The following SMOC1 variants were observed in gnomAD, a reference collection of about 807,000 sequenced individuals.
SMOC1 encodes SPARC related modular calcium binding 1, also known as SPARC-related modular calcium-binding protein 1.
Under a neutral mutation model 56.3 loss-of-function variants are expected in SMOC1, and 22 were observed. The ratio of observed to expected loss-of-function variants is 0.39; its 90% CI spans 0.28 to 0.56. The LOEUF (loss-of-function observed/expected upper bound fraction) is 0.56. SMOC1 is among the 20% of genes least tolerant of loss of function. SMOC1 has a pLI of 0.61. For synonymous variants in SMOC1, 193 were observed against 215.0 expected (o/e 0.90, Z 0.89); for missense variants, 509 against 565.4 (o/e 0.90, Z 1.01).
chr14:69,971,299 T>C (rs957711262), intron 3 of SMOC1, among the ~76,000 whole-genome samples: 1 of 152,224 alleles, frequency 6.6e-6, no homozygotes, highest in African/African-American at 2.4e-5. Context: ...ATTACAGGCA[T>C]GAGCCACCGC....
intron 4 of SMOC1, 95 bp from the exon 5 acceptor site, chr14:69,977,823 A>G: frequency 1.1e-6 from 1 of 916,880 alleles, no homozygotes; most frequent in South Asian, 1.3e-5. Flanking sequence ...ATACATGACC[A>G]TATGCTCATA....
At chr14:69,978,235 A>T (rs1402876755) in intron 5 of SMOC1, 1 of 529,866 alleles carries the variant, frequency 1.9e-6, no homozygotes, top group East Asian at 3.4e-5. Context: ...AGCCCTAGGA[A>T]TATTGGTTCC....
chr14:70,003,721 C>T (rs1007093184), intron 7 of SMOC1, among the ~76,000 whole-genome samples: 5 of 152,132 alleles, frequency 3.3e-5, no homozygotes, highest in Admixed American at 3.3e-4. Flanking sequence ...ACAAGGGGCC[C>T]ACGAGGGCAG....
At chr14:70,023,806 T>G (rs1000522640) in intron 11 of SMOC1, among the ~76,000 whole-genome samples, 181 of 148,164 alleles carry the variant, frequency 1.2e-3, no homozygotes, top group Non-Finnish European at 2.1e-3. Context: ...GGTTGTAGGG[T>G]GTGTGTGTGT....
At chr14:70,023,555 A>G (rs538847724) in intron 11 of SMOC1, 108 bp downstream of exon 11, 13 of 1,486,118 alleles carry the variant, frequency 8.7e-6, no homozygotes, top group East Asian at 6.8e-5. Context: ...CTATTCATCA[A>G]TTATTTGCTG....
chr14:70,028,646 T>C (rs1408623402), intron 11 of SMOC1, among the ~76,000 whole-genome samples: 1 of 152,170 alleles, frequency 6.6e-6, no homozygotes, highest in Non-Finnish European at 1.5e-5. Flanking sequence ...GCTGTGCACC[T>C]CCTTTTTAGA....
At chr14:69,925,924 T>C (rs1188695020) in intron 1 of SMOC1, among the ~76,000 whole-genome samples, 1 of 152,198 alleles carries the variant, frequency 6.6e-6, no homozygotes, top group African/African-American at 2.4e-5. Flanking sequence ...TGGAGAAGAC[T>C]GCGCACACCC....
Position 70,010,742 on chromosome 14 carries a change from C to T in SMOC1, c.665-12C>T. On this transcript the variant is annotated splice_polypyrimidine_tract_variant and intron_variant, in intron 7 of 11. Coordinates refer to ENST00000361956, the MANE Select transcript of SMOC1 (RefSeq NM_001034852.3). ...GAGTGATAGTCACCACAGGCTGTGT[C>T]TTCTCTTGCAGAGAAAGTCTATTCG... 6.2e-7 allele frequency: 1 copy of T among 1,612,990 alleles called. No individual in the cohort carries two copies.
At chr14:69,946,698 C>T (rs1882796047) in intron 1 of SMOC1, among the ~76,000 whole-genome samples, 1 of 152,138 alleles carries the variant, frequency 6.6e-6, no homozygotes, top group African/African-American at 2.4e-5. Context: ...TGGTTTTGAC[C>T]CATAAATAGT....
intron 3 of SMOC1, among the ~76,000 whole-genome samples, chr14:69,971,935 C>G (rs1236837289): frequency 6.6e-6 from 1 of 152,148 alleles, no homozygotes; most frequent in East Asian, 1.9e-4. Context: ...TAATCTGGCT[C>G]TGGCATTTTT....
At chr14:69,942,031 C>T (rs1467696978) in intron 1 of SMOC1, among the ~76,000 whole-genome samples, 2 of 152,160 alleles carry the variant, frequency 1.3e-5, no homozygotes, top group Non-Finnish European at 2.9e-5. Context: ...TTCCTTCCTC[C>T]CTGCCTCTCC....
In SMOC1 at chr14:69,981,047, GAAGGAGAGGAGGAGA is replaced by G. The variant is rs540076051; in HGVS notation, c.526+3087_526+3101del. ...GTCGCCAGCCAGGAATTAGTTCTCT[GAAGGAGAGGAGGAGA>G]AAGGCAGAGCAGAAGGAGGCTGGGG... is the stretch of plus-strand genomic sequence containing the variant. On this transcript the variant is annotated intron_variant, in intron 5 of 11. Transcript: ENST00000361956. 2.7e-3 allele frequency among the ~76,000 whole-genome samples: 406 copies of G among 152,268 alleles called. 1 individual carries two copies. Among genetic ancestry groups the G allele is most frequent in the Non-Finnish European group, 4.4e-3 (296 of 68,032 alleles).
chr14:69,892,101 C>T lies in SMOC1; in HGVS notation c.99+12324C>T, dbSNP rs1883977940. Among the ~76,000 whole-genome samples, 2 of 152,148 alleles carry T rather than the reference C, an allele frequency of 1.3e-5. 1 individual carries two copies. The highest frequency in any genetic ancestry group is 4.1e-4 in the South Asian group (2 of 4,830). On this transcript the variant is annotated intron_variant, in intron 1 of 11. Transcript: ENST00000361956. The stretch of plus-strand genomic sequence containing the variant: ...ATATGAAAGGACGAGGGTTTCAATC[C>T]ACTGAACTTTTACATGTTTATGTGG...
At chr14:70,002,177 G>C (rs1420088509) in intron 7 of SMOC1, among the ~76,000 whole-genome samples, 1 of 152,182 alleles carries the variant, frequency 6.6e-6, no homozygotes, top group African/African-American at 2.4e-5. Context: ...TTAGAAAGGT[G>C]CTCCCTCCAG....
intron 1 of SMOC1, among the ~76,000 whole-genome samples, chr14:69,902,967 G>T (rs369072892): frequency 6.6e-6 from 1 of 152,146 alleles, no homozygotes; most frequent in Non-Finnish European, 1.5e-5. Flanking sequence ...TCGGCTCGCT[G>T]CAACCTCCAC....
intron 8 of SMOC1, among the ~76,000 whole-genome samples, 195 bp downstream of exon 8, chr14:70,011,141 T>G (rs1428193150): frequency 6.6e-6 from 1 of 152,170 alleles, no homozygotes; most frequent in African/African-American, 2.4e-5. Flanking sequence ...CTTTCTAACT[T>G]AAGACCTTGG....
chr14:69,898,246 T>C (rs1884147845), intron 1 of SMOC1, among the ~76,000 whole-genome samples: 1 of 152,178 alleles, frequency 6.6e-6, no homozygotes, highest in African/African-American at 2.4e-5. Context: ...TTGAATATGA[T>C]ATGACTAGGG....
intron 1 of SMOC1, among the ~76,000 whole-genome samples, chr14:69,892,001 A>G (rs554369664): frequency 1.3e-5 from 2 of 152,300 alleles, no homozygotes; most frequent in South Asian, 2.1e-4. Context: ...TAGGGATGGT[A>G]AGTTTTTAAA....
At chr14:69,952,630 G>T (rs1282949891) in intron 2 of SMOC1, among the ~76,000 whole-genome samples, 1 of 152,154 alleles carries the variant, frequency 6.6e-6, no homozygotes, top group African/African-American at 2.4e-5. Context: ...CAAATTGTTG[G>T]CCAACAGATG....
Sources: allele counts gnomAD v4.1 joint callset (sites outside exome capture counted in the v4.1 genomes callset), GRCh38; gene constraint gnomAD v4.1.1; transcripts MANE v1.5; gene names NCBI Gene and HGNC (gene_info 2026-07-23, HGNC 2026-07-21).